ACSL3: variants seen among roughly 807,000 people sequenced by gnomAD.
ACSL3 encodes acyl-CoA synthetase long chain family member 3.
In ACSL3, 34 loss-of-function variants were observed where a neutral mutation model predicts 84.7. The ratio of observed to expected loss-of-function variants is 0.40; its 90% CI spans 0.31 to 0.53. The LOEUF is 0.53. ACSL3 is among the 20% of genes least tolerant of loss of function. ACSL3 has a pLI of 0.48. For synonymous variants in ACSL3, 315 were observed against 299.4 expected (o/e 1.05, Z -0.54); for missense variants, 680 against 873.1 (o/e 0.78, Z 2.79).
At position 222,892,359 on chromosome 2, in the gene ACSL3, T is replaced by A. The variant is rs951571789; in HGVS notation, c.-148+4471T>A. Among the ~76,000 whole-genome samples the A allele has an allele frequency of 6.3e-3, 953 of 152,290 alleles. 9 individuals carry two copies. The highest frequency in any genetic ancestry group is 0.022 in the African/African-American group (902 of 41,556). On this transcript the variant is annotated intron_variant, in intron 2 of 16. Coordinates refer to ENST00000357430, the MANE Select transcript of ACSL3 (RefSeq NM_004457.5). The stretch of plus-strand genomic sequence containing the variant: ...CTAGGTATCTAGGTATGTATTTTTA[T>A]TATGTGTTTAGCTTTGGATGCCTGA...
chr2:222,923,238 A>G, intron 10 of ACSL3, 89 bp downstream of exon 10: 1 of 1,101,732 alleles, frequency 9.1e-7, no homozygotes, highest in East Asian at 2.4e-5. Flanking sequence ...TATTGTTGAC[A>G]AGGTAGTTTA....
intron 5 of ACSL3, 138 bp downstream of exon 5, chr2:222,916,634 A>T (rs1696591740): frequency 9.8e-7 from 1 of 1,021,176 alleles, no homozygotes; most frequent in African/African-American, 1.6e-5. Flanking sequence ...GTGACTTGGA[A>T]TTTTTGGTTT....
rs576381560 is a variant in ACSL3 at position 222,931,227 on chromosome 2, T to C, written c.1732+415T>C. Among the ~76,000 whole-genome samples the C allele has an allele frequency of 1.6e-3, 246 of 152,216 alleles. 2 individuals carry two copies. The Middle Eastern group carries it at 0.017, about 11-fold the overall frequency. On this transcript the variant is annotated intron_variant, in intron 14 of 16. Coordinates refer to ENST00000357430, the MANE Select transcript of ACSL3 (RefSeq NM_004457.5). ...ACCTTATTCTGCTTCTCCTTTTAGG[T>C]TCTTTTTTTTTAAAAGTTAATGGCA...
chr2:222,896,249 G>T (rs1161388570), intron 2 of ACSL3, among the ~76,000 whole-genome samples: 1 of 9,308 alleles, frequency 1.1e-4, no homozygotes, highest in Non-Finnish European at 1.7e-4. Context: ...CGGGCAGAGG[G>T]GCTCCTCACT....
chr2:222,875,044 T>C (rs1226022286), intron 1 of ACSL3, among the ~76,000 whole-genome samples: 1 of 152,218 alleles, frequency 6.6e-6, no homozygotes, highest in Admixed American at 6.5e-5. Context: ...GGAATAATTG[T>C]AAAAATTTAG....
In ACSL3 at chr2:222,887,118, C is replaced by G. The variant is rs559112394; in HGVS notation, c.-206-712C>G. ...CTCTAACCTCTGGCAACCATGGATCCTTTTACCATCTCCATAGCTTTGCCT... is the reference window on the plus strand; with the variant it reads ...CTCTAACCTCTGGCAACCATGGATCGTTTTACCATCTCCATAGCTTTGCCT... On this transcript the variant is annotated intron_variant, in intron 1 of 16. Transcript: ENST00000357430. Among the ~76,000 whole-genome samples, 4 of 152,318 alleles carry G rather than the reference C, an allele frequency of 2.6e-5. No homozygotes were observed. In the East Asian group the frequency reaches 7.7e-4, roughly 29 times the overall value.
intron 10 of ACSL3, 109 bp from the exon 11 acceptor site, chr2:222,924,347 A>G: frequency 1.0e-6 from 1 of 983,090 alleles, no homozygotes. Context: ...GTTGAAGAGT[A>G]CTTCTTTTAA....
At chr2:222,889,614 G>A (rs532386126) in intron 2 of ACSL3, among the ~76,000 whole-genome samples, 28 of 152,300 alleles carry the variant, frequency 1.8e-4, no homozygotes, top group Middle Eastern at 3.4e-3. Flanking sequence ...GAAATGTAGC[G>A]AAGCAAATTT....
At chr2:222,884,945 A>G (rs1378815959) in intron 1 of ACSL3, among the ~76,000 whole-genome samples, 1 of 152,158 alleles carries the variant, frequency 6.6e-6, no homozygotes, top group Non-Finnish European at 1.5e-5. Flanking sequence ...AAAGGCTGCA[A>G]TTGCCTGTTT....
At chr2:222,933,131 T>C (rs1697072536) in intron 14 of ACSL3, 35 bp from the exon 15 acceptor site, 2 of 1,304,396 alleles carry the variant, frequency 1.5e-6, no homozygotes, top group Non-Finnish European at 1.1e-6. Context: ...TTATTACTCA[T>C]TGTTTTCCCC....
At chr2:222,929,039 C>T in intron 13 of ACSL3, 103 bp downstream of exon 13, 1 of 844,164 alleles carries the variant, frequency 1.2e-6, no homozygotes, top group Non-Finnish European at 1.9e-6. Context: ...CATAAGTGCT[C>T]ATTTTTGTCC....
At chr2:222,933,772 A>G (rs1697097742) in intron 15 of ACSL3, 1 of 152,376 alleles carries the variant, frequency 6.6e-6, no homozygotes, top group South Asian at 2.1e-4. Flanking sequence ...GATGATGAAG[A>G]GGCAGCTGGG....
intron 3 of ACSL3, chr2:222,904,717 A>G (rs1258480679): frequency 6.5e-6 from 1 of 153,824 alleles, no homozygotes; most frequent in African/African-American, 2.4e-5. Flanking sequence ...AAGGTTCCAA[A>G]TTCCTGGTCC....
At chr2:222,895,290 T>C (rs916440512) in intron 2 of ACSL3, among the ~76,000 whole-genome samples, 1 of 152,214 alleles carries the variant, frequency 6.6e-6, no homozygotes, top group African/African-American at 2.4e-5. Flanking sequence ...TGCAAGCTCC[T>C]ATTCCTGCAC....
intron 6 of ACSL3, 32 bp downstream of exon 6, chr2:222,918,187 A>T (rs777742532): frequency 6.9e-7 from 1 of 1,442,258 alleles, no homozygotes; most frequent in South Asian, 1.2e-5. Flanking sequence ...TAACTGTCTG[A>T]TACTTTAGAA....
At chr2:222,922,147 G>A (rs1696757961) in intron 8 of ACSL3, among the ~76,000 whole-genome samples, 1 of 152,072 alleles carries the variant, frequency 6.6e-6, no homozygotes, top group South Asian at 2.1e-4. Context: ...GGTTATGGGG[G>A]CAGCTCTTGA....
intron 1 of ACSL3, among the ~76,000 whole-genome samples, chr2:222,864,352 C>T (rs1695084415): frequency 6.6e-6 from 1 of 151,770 alleles, no homozygotes; most frequent in South Asian, 2.1e-4. Context: ...AGAGCTCAAA[C>T]CATGGGTATG....
At chr2:222,933,578 T>C in intron 15 of ACSL3, 2 of 210,914 alleles carry the variant, frequency 9.5e-6, no homozygotes, top group South Asian at 1.0e-4. Context: ...TACCTGTCCC[T>C]CAGCAGGGGA....
Position 222,934,593 on chromosome 2 carries a change from A to C in ACSL3, c.1911A>C (p.Arg637=). The C allele has an allele frequency of 2.5e-6, 4 of 1,605,098 alleles. No individual in the cohort carries two copies. The highest frequency in any genetic ancestry group is 3.4e-6 in the Non-Finnish European group (4 of 1,176,028). ...AAAAGGAACTAACTGAACTAGCTCG[A>C]AAGAAAGGACTTAAAGGGACTTGGG... The part of the protein sequence containing the change: ...PNQKELTELA[R]KKGLKGTWEE... The change falls in exon 16 of 17, where the codon CGA becomes CGC. Residue 637 remains arginine (R), a synonymous_variant. Coordinates refer to ENST00000357430, the MANE Select transcript of ACSL3 (RefSeq NM_004457.5).
Sources: allele counts gnomAD v4.1 joint callset (sites outside exome capture counted in the v4.1 genomes callset), GRCh38; gene constraint gnomAD v4.1.1; transcripts MANE v1.5; gene names NCBI Gene and HGNC (gene_info 2026-07-23, HGNC 2026-07-21).